The following ATG9B variants were observed in gnomAD, a reference collection of about 807,000 sequenced individuals.
The protein encoded by ATG9B is autophagy-related protein 9B.
In ATG9B, 92 loss-of-function variants were observed where a neutral mutation model predicts 92.9. The observed-to-expected ratio is 0.99, with a 90% CI of 0.84 to 1.18. ATG9B has a LOEUF of 1.18. Ranked by LOEUF, ATG9B falls within the 50% of genes most tolerant of loss-of-function variation. ATG9B has a pLI of 0.00. For missense variants in ATG9B, 1,344 were observed against 1,235.0 expected (o/e 1.09, Z -1.32); for synonymous variants, 599 against 551.4 (o/e 1.09, Z -1.21).
chr7:151,021,046 G>T, intron 5 of ATG9B, 142 bp downstream of exon 5: 2 of 962,588 alleles, frequency 2.1e-6, no homozygotes, highest in Non-Finnish European at 3.2e-6. Flanking sequence ...ATTATTCTGG[G>T]CCTAGGGCAG....
Position 151,019,102 on chromosome 7 carries a change from G to A in ATG9B, c.1236C>T (p.Phe412=), listed in dbSNP as rs1368395173. The A allele has an allele frequency of 1.3e-6, 2 of 1,535,622 alleles. No homozygotes were observed. Among genetic ancestry groups the A allele is most frequent in the South Asian group, 2.4e-5 (2 of 84,086 alleles). ...CGTGCGGCAGCTCCCAGCCCCCGCG[G>A]AAGAGCGAGAAGGGACCGCGGAAGA... The part of the protein sequence containing the change: ...LLLFRGPFSL[F]RGGWELPHAY... The change falls in exon 6 of 14, where the codon TTC becomes TTT. Residue 412 remains phenylalanine (F), a synonymous_variant. Transcript: ENST00000639579.
At chr7:151,017,455 G>A (rs1795548109) in intron 8 of ATG9B, among the ~76,000 whole-genome samples, 183 bp from the exon 9 acceptor site, 1 of 152,140 alleles carries the variant, frequency 6.6e-6, no homozygotes, top group Non-Finnish European at 1.5e-5. Flanking sequence ...GTCACCCCTG[G>A]ACTGATTGCC....
intron 5 of ATG9B, 81 bp from the exon 6 acceptor site, chr7:151,019,455 G>A: frequency 1.4e-6 from 2 of 1,454,820 alleles, no homozygotes; most frequent in Non-Finnish European, 1.8e-6. Flanking sequence ...CTAAGTGTGC[G>A]GCCTGAAAAC....
chr7:151,017,981 G>C lies in ATG9B; in HGVS notation c.1942C>G (p.Arg648Gly), dbSNP rs769824480. 3 of 1,606,064 alleles carry C rather than the reference G, an allele frequency of 1.9e-6. No individual in the cohort carries two copies. The highest frequency in any genetic ancestry group is 8.5e-7 in the Non-Finnish European group (1 of 1,176,014). Residue 648 changes from arginine to glycine, a missense_variant, in exon 8 of 14, where the codon CGT (arginine) becomes GGT (glycine). Transcript: ENST00000639579. ...PLFLLFWFRP[R>G]ALEIIDFFHH... ...AAAAAGTCGATAATCTCCAGGGCAC[G>C]AGGGCGGAACCAGAAAAGCAGAAAC...
downstream of ATG9B, chr7:151,013,301 C>G: frequency 6.2e-7 from 1 of 1,614,134 alleles, no homozygotes; most frequent in Non-Finnish European, 8.5e-7. Flanking sequence ...TCTACCGCGA[C>G]GAGGTGCAGA....
rs1034145602 is a variant in ATG9B, at chr7:151,015,347, C to G, written c.*381G>C. 1 of 152,580 alleles carries G rather than the reference C, an allele frequency of 6.6e-6. No homozygotes were observed. Among genetic ancestry groups the G allele is most frequent in the Non-Finnish European group, 1.5e-5 (1 of 68,318 alleles). 9.5% of individuals were successfully genotyped at this position (152,580 alleles called of 1,614,324 possible). A position where few individuals can be genotyped will look rare whatever the true frequency, so the allele number is the denominator to read the frequency against. ...AGCCGCCAGCATGACGAATCCACAG[C>G]CTTAAAGCCCACCTGCCTCACTGTC... On this transcript the variant is annotated 3_prime_UTR_variant, in exon 14 of 14. Coordinates refer to ENST00000639579, the MANE Select transcript of ATG9B (RefSeq NM_001317056.2).
At position 151,016,780 on chromosome 7, in the gene ATG9B, C is replaced by A. The variant is rs1393379841; in HGVS notation, c.2331G>T (p.Leu777=). ...CTGTCGGGCTCAGATCTCTCGGAGG[C>A]AGGAGAGGGTGCACGAAGAGGTTGG... ...FLANLFVHPL[L]PPRDLSPTAP... The change falls in exon 10 of 14, where the codon CTG becomes CTT. Residue 777 remains leucine (L), a synonymous_variant. Transcript: ENST00000639579. 1 of 1,612,308 alleles carries A rather than the reference C, an allele frequency of 6.2e-7. No homozygotes were observed. The highest frequency in any genetic ancestry group is 8.5e-7 in the Non-Finnish European group (1 of 1,179,518).
At chr7:151,013,790 CG>C (rs775390177), downstream of ATG9B, 2 of 1,611,178 alleles carry the variant, frequency 1.2e-6, no homozygotes, top group Non-Finnish European at 1.7e-6. Context: ...GTGCCTCGAG[CG>C]GGGCCACATG....
chr7:151,019,129 C>T lies in ATG9B; in HGVS notation c.1209G>A (p.Leu403=), dbSNP rs1231174090. The change falls in exon 6 of 14, where the codon CTG becomes CTA. Residue 403 remains leucine, a synonymous_variant. Transcript: ENST00000639579. The part of the protein sequence containing the change: ...SRGLALNVDL[L]LFRGPFSLFR... ...AGAGCGAGAAGGGACCGCGGAAGAG[C>T]AGCAGGTCGACATTGAGCGCCAGGC... is the stretch of plus-strand genomic sequence containing the variant. 6 of 1,535,984 alleles carry T rather than the reference C, an allele frequency of 3.9e-6. No individual in the cohort carries two copies. The Admixed American group carries it at 7.8e-5, about 20-fold the overall frequency.
chr7:151,023,993 G>A lies in ATG9B; in HGVS notation c.431C>T (p.Pro144Leu), dbSNP rs766273026. 5.0e-5 allele frequency: 79 copies of A among 1,594,050 alleles called. 1 individual carries two copies. In the South Asian group the frequency reaches 8.3e-4, roughly 17 times the overall value. ...CTCATAATCCTGTTCAGGGATCAAA[G>A]GGCCTACCCGCAGCCCAGGAGAGTC... ...PQDSPGLRVG[P>L]LIPEQDYERL... The change falls in exon 1 of 14, where the codon CCT (proline) becomes CTT (leucine). Residue 144 changes from proline (P) to leucine (L), a missense_variant. Pro to Leu is a moderately conservative substitution (Grantham distance 98). Transcript: ENST00000639579.
Position 151,018,820 on chromosome 7 carries a change from G to A in ATG9B, c.1518C>T (p.Ala506=). Residue 506 remains alanine (A), a synonymous_variant, in exon 6 of 14, where the codon GCC becomes GCT. Coordinates refer to ENST00000639579, the MANE Select transcript of ATG9B (RefSeq NM_001317056.2). The surrounding 1 kb of genome is among the most constrained non-coding windows in gnomAD (Gnocchi z 4.7). ...GCAGGAAGGCGGCGGCGGGGCGGTA[G>A]GCGCGGGCCAGGCGCGCGCGCAGCT... ...PHELRARLAR[A]YRPAAAFLRT... 7.8e-7 allele frequency: 1 copy of A among 1,281,104 alleles called. No individual in the cohort carries two copies. Among genetic ancestry groups the A allele is most frequent in the Non-Finnish European group, 9.8e-7 (1 of 1,017,084 alleles). The allele number at this position is 1,281,104 out of a possible 1,614,324, so 79.4% of individuals were successfully genotyped here. A position where few individuals can be genotyped will look rare whatever the true frequency, so the allele number is the denominator to read the frequency against.
At chr7:151,023,768 G>A (rs918303262) in intron 1 of ATG9B, 38 bp from the exon 2 acceptor site, 4 of 1,613,584 alleles carry the variant, frequency 2.5e-6, no homozygotes, top group Non-Finnish European at 3.4e-6. Context: ...CCTGGCATGT[G>A]ATCAATTCTC....
chr7:151,017,721 AC>A, intron 8 of ATG9B, 149 bp downstream of exon 8: 1 of 978,460 alleles, frequency 1.0e-6, no homozygotes, highest in East Asian at 2.7e-5. Flanking sequence ...CATCTGACAG[AC>A]GAGGGCACGA....
intron 4 of ATG9B, among the ~76,000 whole-genome samples, chr7:151,021,877 C>T (rs1795766029): frequency 6.6e-6 from 1 of 152,080 alleles, no homozygotes. Flanking sequence ...TTTTGATCTC[C>T]TGACCTTGTG....
chr7:151,021,856 G>A (rs113703723), intron 4 of ATG9B, among the ~76,000 whole-genome samples: 2,383 of 149,546 alleles, frequency 0.016, 22 homozygotes, highest in Non-Finnish European at 0.022. Context: ...TCACCATGTT[G>A]GCCAGAATGG....
chr7:151,023,381 A>C, intron 3 of ATG9B, 64 bp downstream of exon 3: 4 of 1,604,622 alleles, frequency 2.5e-6, no homozygotes, highest in Non-Finnish European at 3.4e-6. Flanking sequence ...TTAAGGAAGC[A>C]AAATGACAGA....
chr7:151,013,918 G>C (rs1196810356), downstream of ATG9B: 4 of 1,599,048 alleles, frequency 2.5e-6, no homozygotes, highest in African/African-American at 1.3e-5. Flanking sequence ...GCGTGCTGCG[G>C]GTGCGGAGGG....
In ATG9B at chr7:151,016,201, C is replaced by T. The variant is rs1296259068; in HGVS notation, c.2555G>A (p.Gly852Asp). 1.3e-6 allele frequency: 2 copies of T among 1,510,364 alleles called. No individual in the cohort carries two copies. The highest frequency in any genetic ancestry group is 1.8e-6 in the Non-Finnish European group (2 of 1,125,942). 93.6% of individuals were successfully genotyped at this position (1,510,364 alleles called of 1,614,324 possible). The change falls in exon 12 of 14, where the codon GGT (glycine) becomes GAT (aspartate). Residue 852 changes from glycine to aspartate, a missense_variant. Physicochemically the swap from Gly to Asp is moderately conservative, Grantham distance 94. Coordinates refer to ENST00000639579, the MANE Select transcript of ATG9B (RefSeq NM_001317056.2). The part of the protein sequence containing the change: ...HQQQQQQEPW[G>D]EAAASILSRP... ...GGACAGGATGGAGGCTGCAGCCTCA[C>T]CCCACGGCTCCTGCTGCTGCTGCTG...
At chr7:151,012,439 T>C (rs1308080393), downstream of ATG9B, 3 of 1,611,816 alleles carry the variant, frequency 1.9e-6, no homozygotes, top group South Asian at 3.3e-5. Flanking sequence ...CCGGGGATTC[T>C]GGCAGGAGCG....
Sources: gnomAD v4.1 joint callset for allele counts (sites outside exome capture counted in the v4.1 genomes callset) on GRCh38, gnomAD v4.1.1 for gene constraint, Gnocchi (gnomAD v3.1) non-coding constraint, MANE v1.5 for transcripts, NCBI Gene and HGNC (gene_info 2026-07-23, HGNC 2026-07-21) for gene names.